Variants in CELSR1 observed in about 807,000 individuals in gnomAD.
CELSR1 encodes cadherin EGF LAG seven-pass G-type receptor 1.
Under a neutral mutation model 249.1 loss-of-function variants are expected in CELSR1, and 110 were observed. The ratio of observed to expected loss-of-function variants is 0.44; its 90% CI spans 0.38 to 0.52. The LOEUF is 0.52. Ranked by LOEUF, CELSR1 falls within the 20% of genes least tolerant of loss-of-function variation. The pLI is 0.00. For synonymous variants in CELSR1, 2,113 were observed against 1,900.0 expected (o/e 1.11, Z -2.92); for missense variants, 4,109 against 4,296.4 (o/e 0.96, Z 1.22).
Position 46,536,170 on chromosome 22 carries a change from G to A in CELSR1, c.1001C>T (p.Ser334Leu). Reference protein sequence around the residue: ...KAVDYSTPPRSATTYITVLVK... With the variant: ...KAVDYSTPPRLATTYITVLVK... ...CAAGACAGTGATGTAGGTGGTGGCC[G>A]AGCGCGGCGGCGTACTGTAGTCCAC... Residue 334 changes from serine to leucine, a missense_variant, in exon 1 of 35, where the codon TCG (serine) becomes TTG (leucine). Physicochemically the swap from Ser to Leu is moderately radical, Grantham distance 145 (BLOSUM62 -2). Around this residue, in one of 7 missense-constraint regions of CELSR1, gnomAD observed 673 missense variants for 636.8 expected, o/e 1.06. Coordinates refer to ENST00000674500, the MANE Select transcript of CELSR1 (RefSeq NM_001378328.1). The A allele has an allele frequency of 1.9e-6, 3 of 1,612,764 alleles. No homozygotes were observed.
In CELSR1 at chr22:46,490,852, A is replaced by C. The variant is rs1201400548; in HGVS notation, c.3545-26507T>G. On this transcript the variant is annotated intron_variant, in intron 1 of 34. Coordinates refer to ENST00000674500, the MANE Select transcript of CELSR1 (RefSeq NM_001378328.1). The surrounding 1 kb of genome is among the most constrained non-coding windows in gnomAD (Gnocchi z 5.2). ...TGCACGTGCCGCACCCTGATCCTCC[A>C]GGCAGTCCAAATGGCCAGGTGTCAT... Among the ~76,000 whole-genome samples, 2 of 152,160 alleles carry C rather than the reference A, an allele frequency of 1.3e-5. No individual in the cohort carries two copies. Among genetic ancestry groups the C allele is most frequent in the Non-Finnish European group, 2.9e-5 (2 of 68,026 alleles).
At chr22:46,514,601 G>C (rs540426581) in intron 1 of CELSR1, among the ~76,000 whole-genome samples, 8 of 152,274 alleles carry the variant, frequency 5.3e-5, no homozygotes, top group African/African-American at 1.4e-4. Context: ...CAGGGATAAT[G>C]CAATGGCCCC....
chr22:46,380,860 A>G lies in CELSR1; in HGVS notation c.7184T>C (p.Leu2395Pro). 6.2e-7 allele frequency: 1 copy of G among 1,612,790 alleles called. No individual in the cohort carries two copies. Among genetic ancestry groups the G allele is most frequent in the South Asian group, 1.1e-5 (1 of 91,054 alleles). ...CACCTCCAGCAGGGCGAACTCCACC[A>G]GGACGGGCCTCTCCAGGGGTCTCGG... Reference protein sequence around the residue: ...PLPRPLERPVLVEFALLEVEE... With the variant: ...PLPRPLERPVPVEFALLEVEE... Residue 2395 changes from leucine (L) to proline (P), a missense_variant, in exon 22 of 35, where the codon CTG (leucine) becomes CCG (proline). Coordinates refer to ENST00000674500, the MANE Select transcript of CELSR1 (RefSeq NM_001378328.1). This position sits in a 1 kb window ranked among gnomAD's most constrained non-coding sequence, Gnocchi z 5.1.
At position 46,448,171 on chromosome 22, in the gene CELSR1, G is replaced by A. The variant is rs532528462; in HGVS notation, c.4184-8760C>T. Among the ~76,000 whole-genome samples, 1 of 152,360 alleles carries A rather than the reference G, an allele frequency of 6.6e-6. No homozygotes were observed. The highest frequency in any genetic ancestry group is 6.5e-5 in the Admixed American group (1 of 15,306). Reference sequence around the variant, plus strand: ...CTGCTGCAGGCGGGGGCTGGGTGCTGGGTGTGCTCCTGGTCTGTGAACAAG... The same window carrying A: ...CTGCTGCAGGCGGGGGCTGGGTGCTAGGTGTGCTCCTGGTCTGTGAACAAG... On this transcript the variant is annotated intron_variant, in intron 2 of 34. Coordinates refer to ENST00000674500, the MANE Select transcript of CELSR1 (RefSeq NM_001378328.1). This position sits in a 1 kb window ranked among gnomAD's most constrained non-coding sequence, Gnocchi z 5.7.
At position 46,512,504 on chromosome 22, in the gene CELSR1, G is replaced by A. The variant is rs181680085; in HGVS notation, c.3544+21123C>T. On this transcript the variant is annotated intron_variant, in intron 1 of 34. Transcript: ENST00000674500. This position sits in a 1 kb window ranked among gnomAD's most constrained non-coding sequence, Gnocchi z 5.2. ...CGAGAATTGCTTGAACCCGGGAGGC[G>A]GAGGTTTCAGTGAGCCGAGATCACA... 9.3e-5 allele frequency among the ~76,000 whole-genome samples: 14 copies of A among 151,262 alleles called. No individual in the cohort carries two copies. Among genetic ancestry groups the A allele is most frequent in the African/African-American group, 2.9e-4 (12 of 41,138 alleles).
Position 46,434,379 on chromosome 22 carries a change from G to C in CELSR1, c.4523-898C>G, listed in dbSNP as rs147467871. On this transcript the variant is annotated intron_variant, in intron 4 of 34. Transcript: ENST00000674500. This position sits in a 1 kb window ranked among gnomAD's most constrained non-coding sequence, Gnocchi z 4.9. ...TTCAGGGGCACCAAAGGACAGGTGC[G>C]GTGGGTACCAGGTCCCGGGCAGAGA... is the stretch of plus-strand genomic sequence containing the variant. Among the ~76,000 whole-genome samples, 1 of 152,148 alleles carries C rather than the reference G, an allele frequency of 6.6e-6. No individual in the cohort carries two copies. Among genetic ancestry groups the C allele is most frequent in the Non-Finnish European group, 1.5e-5 (1 of 68,034 alleles).
chr22:46,379,527 G>A (rs567073844), intron 22 of CELSR1, among the ~76,000 whole-genome samples: 9 of 152,334 alleles, frequency 5.9e-5, no homozygotes, highest in South Asian at 2.1e-4. Flanking sequence ...ACAGACAGCC[G>A]GGCCTGACGT....
At chr22:46,372,838 T>C (rs748935076) in intron 25 of CELSR1, 45 bp downstream of exon 25, 1 of 1,558,076 alleles carries the variant, frequency 6.4e-7, no homozygotes, top group African/African-American at 1.4e-5. Flanking sequence ...CTGGGGTCTG[T>C]TGGAAATCTG....
chr22:46,440,799 T>C lies in CELSR1; in HGVS notation c.4184-1388A>G, dbSNP rs1182151436. ...TGTAGCCCCACAGAAATTTTTTGTCTGTATGTGATCATATTTATCCATTTT... is the reference window on the plus strand; with the variant it reads ...TGTAGCCCCACAGAAATTTTTTGTCCGTATGTGATCATATTTATCCATTTT... On this transcript the variant is annotated intron_variant, in intron 2 of 34. Transcript: ENST00000674500. This position sits in a 1 kb window ranked among gnomAD's most constrained non-coding sequence, Gnocchi z 4.7. Among the ~76,000 whole-genome samples, 1 of 152,202 alleles carries C rather than the reference T, an allele frequency of 6.6e-6. No individual in the cohort carries two copies. Among genetic ancestry groups the C allele is most frequent in the Non-Finnish European group, 1.5e-5 (1 of 68,032 alleles).
At chr22:46,382,290 T>C (rs1054273592) in intron 20 of CELSR1, among the ~76,000 whole-genome samples, 10 of 152,116 alleles carry the variant, frequency 6.6e-5, no homozygotes, top group African/African-American at 2.4e-4. Flanking sequence ...TATTTATTTA[T>C]TTTTTGAGAC....
intron 2 of CELSR1, 92 bp from the exon 3 acceptor site, chr22:46,439,503 CCA>C: frequency 2.9e-6 from 3 of 1,025,212 alleles, no homozygotes; most frequent in Non-Finnish European, 4.3e-6. Context: ...CACACCCCAG[CCA>C]CACAGTCAGC....
intron 2 of CELSR1, among the ~76,000 whole-genome samples, chr22:46,461,587 G>A (rs569321417): frequency 6.6e-6 from 1 of 152,204 alleles, no homozygotes; most frequent in African/African-American, 2.4e-5. Context: ...AGCCAGAGGT[G>A]GTGGGTGCTT....
Position 46,502,257 on chromosome 22 carries a change from C to T in CELSR1, c.3544+31370G>A, listed in dbSNP as rs368999469. Among the ~76,000 whole-genome samples the T allele has an allele frequency of 2.8e-4, 33 of 116,678 alleles. No individual in the cohort carries two copies. The East Asian group carries it at 3.7e-3, about 13-fold the overall frequency. 76.5% of individuals were successfully genotyped at this position (116,678 alleles called of 152,430 possible). A position where few individuals can be genotyped will look rare whatever the true frequency, so the allele number is the denominator to read the frequency against. Reference sequence around the variant, plus strand: ...CAGCCTGGGTGACAGAGTGAGACCTCATCTCAAGAAAAGAAAGGGAAGGGA... The same window carrying T: ...CAGCCTGGGTGACAGAGTGAGACCTTATCTCAAGAAAAGAAAGGGAAGGGA... On this transcript the variant is annotated intron_variant, in intron 1 of 34. Coordinates refer to ENST00000674500, the MANE Select transcript of CELSR1 (RefSeq NM_001378328.1).
At chr22:46,426,052 C>T (rs576923124) in intron 5 of CELSR1, among the ~76,000 whole-genome samples, 227 of 138,284 alleles carry the variant, frequency 1.6e-3, no homozygotes, top group African/African-American at 6.3e-3. Context: ...ATTTCAGTCA[C>T]GTCTCTATGC....
At chr22:46,368,403 C>T (rs986812526) in intron 27 of CELSR1, among the ~76,000 whole-genome samples, 1 of 151,964 alleles carries the variant, frequency 6.6e-6, no homozygotes, top group East Asian at 1.9e-4. Context: ...AGGCCCCAGA[C>T]CCCCCGTGCA....
chr22:46,466,716 A>G (rs1333604227), intron 1 of CELSR1, among the ~76,000 whole-genome samples: 1 of 152,228 alleles, frequency 6.6e-6, no homozygotes, highest in Non-Finnish European at 1.5e-5. Flanking sequence ...CATCAACTTA[A>G]AACATTAAAC....
Position 46,361,451 on chromosome 22 carries a change from G to C in CELSR1, c.*1772C>G, listed in dbSNP as rs2078703226. ...CAAAAAAATTACACCTCAGGGGGCA[G>C]AATCCTGTTAAAGTCATGAAAGGAG... On this transcript the variant is annotated 3_prime_UTR_variant, in exon 35 of 35. Transcript: ENST00000674500. 1 of 152,396 alleles carries C rather than the reference G, an allele frequency of 6.6e-6. No homozygotes were observed. The highest frequency in any genetic ancestry group is 1.5e-5 in the Non-Finnish European group (1 of 68,054). 9.4% of individuals were successfully genotyped at this position (152,396 alleles called of 1,614,324 possible).
Position 46,365,367 on chromosome 22 carries a change from G to C in CELSR1, c.8418C>G (p.Asp2806Glu). The change falls in exon 32 of 35, where the codon GAC becomes GAG. Residue 2806 changes from aspartate (D) to glutamate (E), a missense_variant. Coordinates refer to ENST00000674500, the MANE Select transcript of CELSR1 (RefSeq NM_001378328.1). ...SCKDPPGHDSDSDSELSLDEQ... is the reference protein window; with the variant it reads ...SCKDPPGHDSESDSELSLDEQ... ...CATCCAGGGACAGCTCGCTATCTGAGTCGGAATCGTGGCCTGTGGATGCGC... is the reference window on the plus strand; with the variant it reads ...CATCCAGGGACAGCTCGCTATCTGACTCGGAATCGTGGCCTGTGGATGCGC... The C allele has an allele frequency of 6.2e-7, 1 of 1,612,832 alleles. No homozygotes were observed. Among genetic ancestry groups the C allele is most frequent in the Non-Finnish European group, 8.5e-7 (1 of 1,179,934 alleles).
intron 24 of CELSR1, among the ~76,000 whole-genome samples, chr22:46,373,392 C>T (rs1439915615): frequency 3.3e-5 from 5 of 150,598 alleles, no homozygotes; most frequent in Non-Finnish European, 5.9e-5. Flanking sequence ...GGCCCCAAGG[C>T]AGCTTCACAC....
Sources: allele counts gnomAD v4.1 joint callset (sites outside exome capture counted in the v4.1 genomes callset), GRCh38; gene constraint gnomAD v4.1.1; regional missense constraint gnomAD v4.1.1; non-coding constraint Gnocchi (gnomAD v3.1); transcripts MANE v1.5; gene names NCBI Gene and HGNC (gene_info 2026-07-23, HGNC 2026-07-21).